Variants in SHANK2 observed in about 807,000 individuals in gnomAD.
SHANK2 encodes SH3 and multiple ankyrin repeat domains 2.
SHANK2 carries 43 observed loss-of-function variants against 133.7 expected under a neutral mutation model. The ratio of observed to expected loss-of-function variants is 0.32; its 90% CI spans 0.25 to 0.41. SHANK2 has a LOEUF of 0.41. Among genes scored for constraint, SHANK2 ranks in the 10% least tolerant of loss-of-function variants. The probability of loss-of-function intolerance (pLI) is 1.00; values close to 1 mark genes in which losing one functional copy is unlikely to be tolerated. For synonymous variants in SHANK2, 1,017 were observed against 952.8 expected (o/e 1.07, Z -1.24); for missense variants, 1,994 against 2,235.8 (o/e 0.89, Z 2.18).
chr11:70,608,737 C>A (rs1368272119), intron 17 of SHANK2, among the ~76,000 whole-genome samples: 1 of 152,226 alleles, frequency 6.6e-6, no homozygotes, highest in Non-Finnish European at 1.5e-5. Flanking sequence ...CCATTCACAG[C>A]CGAAAGCTCG....
At position 70,472,387 on chromosome 11, in the gene SHANK2, G is replaced by T. The variant is rs1409406020; in HGVS notation, c.*482C>A. 1 of 181,680 alleles carries T rather than the reference G, an allele frequency of 5.5e-6. No homozygotes were observed. The highest frequency in any genetic ancestry group is 1.2e-5 in the Non-Finnish European group (1 of 85,890). 11.3% of individuals were successfully genotyped at this position (181,680 alleles called of 1,614,324 possible). On this transcript the variant is annotated 3_prime_UTR_variant, in exon 26 of 26. Coordinates refer to ENST00000601538, the MANE Select transcript of SHANK2 (RefSeq NM_012309.5). This position sits in a 1 kb window ranked among gnomAD's most constrained non-coding sequence, Gnocchi z 4.4. ...GCCAAGTGCAGGAGAAAGAGGGGCA[G>T]GTGAGCATCAGGTGTCCTCTGAGAG...
intron 14 of SHANK2, among the ~76,000 whole-genome samples, chr11:70,707,353 C>CA (rs1697987198): frequency 9.1e-6 from 1 of 110,296 alleles, no homozygotes; most frequent in African/African-American, 3.6e-5. Flanking sequence ...GCCTGGGCGA[C>CA]AGAGTGAAAA....
intron 11 of SHANK2, among the ~76,000 whole-genome samples, chr11:70,888,752 G>A (rs1457332273): frequency 6.6e-6 from 1 of 152,126 alleles, no homozygotes; most frequent in Non-Finnish European, 1.5e-5. Context: ...GGGAGGTGGA[G>A]GTTGAAGTGA....
intron 14 of SHANK2, among the ~76,000 whole-genome samples, chr11:70,782,752 C>G (rs1408390404): frequency 6.6e-6 from 1 of 152,246 alleles, no homozygotes; most frequent in African/African-American, 2.4e-5. Context: ...CACAAACAGC[C>G]ACCCAATACA....
At chr11:70,568,884 G>A (rs542057124) in intron 17 of SHANK2, among the ~76,000 whole-genome samples, 1 of 152,260 alleles carries the variant, frequency 6.6e-6, no homozygotes, top group Admixed American at 6.5e-5. Context: ...CCTTGGCACC[G>A]CAACCCAGCT....
chr11:71,079,077 G>A (rs959415751), intron 8 of SHANK2, among the ~76,000 whole-genome samples: 26 of 152,230 alleles, frequency 1.7e-4, no homozygotes, highest in African/African-American at 6.0e-4. Flanking sequence ...TGGTCGGTGT[G>A]ACCTCCACAA....
chr11:70,884,248 G>A (rs1461675661), intron 11 of SHANK2, among the ~76,000 whole-genome samples: 1 of 152,222 alleles, frequency 6.6e-6, no homozygotes, highest in Non-Finnish European at 1.5e-5. Context: ...CACACGTGGT[G>A]GGCAGGGGCC....
In SHANK2 at chr11:70,728,859, A is replaced by G. The variant is rs373752750; in HGVS notation, c.1778-30096T>C. 5.9e-5 allele frequency among the ~76,000 whole-genome samples: 9 copies of G among 152,282 alleles called. No homozygotes were observed. In the East Asian group the frequency reaches 1.4e-3, roughly 23 times the overall value. On this transcript the variant is annotated intron_variant, in intron 14 of 25. Coordinates refer to ENST00000601538, the MANE Select transcript of SHANK2 (RefSeq NM_012309.5). ...TACCCATAAGGGGTTCAAGAAAATG[A>G]TCCTCCCAGTGGGAGATGGTGCAGC...
intron 14 of SHANK2, among the ~76,000 whole-genome samples, chr11:70,765,482 G>A (rs1947099455): frequency 6.6e-6 from 1 of 152,186 alleles, no homozygotes; most frequent in African/African-American, 2.4e-5. Flanking sequence ...AAGAGAATGA[G>A]AGCTTCTTAA....
chr11:71,073,484 GGA>G (rs1248411712), intron 9 of SHANK2, among the ~76,000 whole-genome samples: 4 of 151,420 alleles, frequency 2.6e-5, no homozygotes, highest in African/African-American at 9.7e-5. Flanking sequence ...TTTTTATTTT[GGA>G]GACAGGGTTT....
At chr11:70,611,198 T>C (rs2060652622) in intron 17 of SHANK2, among the ~76,000 whole-genome samples, 1 of 152,336 alleles carries the variant, frequency 6.6e-6, no homozygotes, top group Admixed American at 6.5e-5. Flanking sequence ...AAATGCCACT[T>C]CCTGAGGCTG....
At chr11:71,076,821 G>T (rs1391936495) in intron 8 of SHANK2, among the ~76,000 whole-genome samples, 1 of 152,216 alleles carries the variant, frequency 6.6e-6, no homozygotes, top group Non-Finnish European at 1.5e-5. Flanking sequence ...AGTAAGGGAC[G>T]CCCAGCTGAC....
intron 14 of SHANK2, among the ~76,000 whole-genome samples, chr11:70,712,775 GCAC>G (rs1431922883): frequency 6.6e-6 from 1 of 152,198 alleles, no homozygotes; most frequent in Non-Finnish European, 1.5e-5. Context: ...TTCCTGGTCT[GCAC>G]CACATGCTCA....
chr11:70,793,579 G>A (rs75108308), intron 14 of SHANK2, among the ~76,000 whole-genome samples: 2 of 152,246 alleles, frequency 1.3e-5, no homozygotes, highest in African/African-American at 4.8e-5. Context: ...AGCACACAAA[G>A]AGATGCCTAA....
chr11:70,534,905 A>G (rs1169089676), intron 17 of SHANK2, among the ~76,000 whole-genome samples: 1 of 151,958 alleles, frequency 6.6e-6, no homozygotes, highest in South Asian at 2.1e-4. Context: ...CTTCGGCCCA[A>G]CAGAGATGAG....
At chr11:70,771,910 G>A (rs568897596) in intron 14 of SHANK2, among the ~76,000 whole-genome samples, 1 of 152,288 alleles carries the variant, frequency 6.6e-6, no homozygotes, top group East Asian at 1.9e-4. Context: ...TACTGGGCCT[G>A]GGGGTTTTCA....
intron 10 of SHANK2, among the ~76,000 whole-genome samples, chr11:70,900,174 T>C (rs1239039954): frequency 6.6e-6 from 1 of 151,880 alleles, no homozygotes; most frequent in Non-Finnish European, 1.5e-5. Context: ...GCCAACATGG[T>C]GAAATCCCAT....
intron 11 of SHANK2, among the ~76,000 whole-genome samples, chr11:70,877,265 G>A (rs192849204): frequency 6.6e-6 from 1 of 152,362 alleles, no homozygotes; most frequent in Admixed American, 6.5e-5. Flanking sequence ...CCCAGCCAGG[G>A]TCAGGGCCAG....
intron 3 of SHANK2, among the ~76,000 whole-genome samples, chr11:71,141,296 C>T (rs782638749): frequency 3.2e-4 from 48 of 151,742 alleles, no homozygotes; most frequent in Admixed American, 1.2e-3. Context: ...CGTTCGAGAC[C>T]AGCCTGGCCA....
Sources: allele counts gnomAD v4.1 joint callset (sites outside exome capture counted in the v4.1 genomes callset), GRCh38; gene constraint gnomAD v4.1.1; non-coding constraint Gnocchi (gnomAD v3.1); transcripts MANE v1.5; gene names NCBI Gene and HGNC (gene_info 2026-07-23, HGNC 2026-07-21).